COL5A1: variants seen among roughly 807,000 people sequenced by gnomAD.
COL5A1 encodes collagen alpha-1(V) chain.
COL5A1 carries 16 observed loss-of-function variants against 263.7 expected under a neutral mutation model. That is an observed-to-expected ratio of 0.06 (90% CI 0.04 to 0.09). The LOEUF (loss-of-function observed/expected upper bound fraction) is 0.09. Ranked by LOEUF, COL5A1 falls within the 10% of genes least tolerant of loss-of-function variation. COL5A1 has a pLI of 1.00. For missense variants in COL5A1, 2,036 were observed against 2,540.5 expected (o/e 0.80, Z 4.27); for synonymous variants, 1,012 against 1,004.5 (o/e 1.01, Z -0.14).
intron 63 of COL5A1, among the ~76,000 whole-genome samples, chr9:134,828,562 C>T (rs936692523): frequency 4.7e-5 from 7 of 148,902 alleles, no homozygotes; most frequent in African/African-American, 1.8e-4. Context: ...GCACCACACA[C>T]ACAATACACA....
At position 134,696,250 on chromosome 9, in the gene COL5A1, G is replaced by T. The variant is rs546711032; in HGVS notation, c.278-3659G>T. Reference sequence around the variant, plus strand: ...GTGCAGTGGTGTAATCTTGGCTCACGGCAACCTCTGCCTCCCAGGTTCAAG... The same window carrying T: ...GTGCAGTGGTGTAATCTTGGCTCACTGCAACCTCTGCCTCCCAGGTTCAAG... On this transcript the variant is annotated intron_variant, in intron 2 of 65. Coordinates refer to ENST00000371817, the MANE Select transcript of COL5A1 (RefSeq NM_000093.5). This position sits in a 1 kb window ranked among gnomAD's most constrained non-coding sequence, Gnocchi z 4.3. Among the ~76,000 whole-genome samples the T allele has an allele frequency of 1.3e-5, 2 of 151,906 alleles. No individual in the cohort carries two copies. The highest frequency in any genetic ancestry group is 2.9e-5 in the Non-Finnish European group (2 of 67,988).
At chr9:134,759,755 A>C (rs1836212855) in intron 18 of COL5A1, among the ~76,000 whole-genome samples, 2 of 85,042 alleles carry the variant, frequency 2.4e-5, no homozygotes, top group Non-Finnish European at 2.1e-5. Flanking sequence ...ACACATGCAC[A>C]CACACCCACG....
At chr9:134,749,328 T>C (rs573860656) in intron 11 of COL5A1, among the ~76,000 whole-genome samples, 1 of 152,382 alleles carries the variant, frequency 6.6e-6, no homozygotes, top group South Asian at 2.1e-4. Flanking sequence ...TCTTCATCTT[T>C]GCCTTTGCAC....
At chr9:134,763,585 G>A (rs1357796959) in intron 19 of COL5A1, 108 bp from the exon 20 acceptor site, 8 of 1,115,708 alleles carry the variant, frequency 7.2e-6, no homozygotes, top group African/African-American at 3.1e-5. Context: ...TAAACCTGGC[G>A]TATGTGAAGC....
intron 11 of COL5A1, among the ~76,000 whole-genome samples, chr9:134,749,566 T>C (rs1237130564): frequency 2.0e-5 from 3 of 152,206 alleles, no homozygotes; most frequent in African/African-American, 7.2e-5. Context: ...TGTCTGGGAG[T>C]TGGGAATCCA....
At chr9:134,824,571 C>A (rs1318081639) in intron 61 of COL5A1, 29 bp from the exon 62 acceptor site, 1 of 1,612,836 alleles carries the variant, frequency 6.2e-7, no homozygotes, top group Non-Finnish European at 8.5e-7. Flanking sequence ...TCCTCCATCA[C>A]CCACCGCTGC....
At chr9:134,668,562 G>GCATC (rs1261036676) in intron 1 of COL5A1, among the ~76,000 whole-genome samples, 1 of 142,276 alleles carries the variant, frequency 7.0e-6, no homozygotes, top group African/African-American at 2.8e-5. Context: ...ATCCATCAAT[G>GCATC]CATCCATCCA....
chr9:134,695,554 G>A (rs1303351883), intron 2 of COL5A1, among the ~76,000 whole-genome samples: 1 of 152,178 alleles, frequency 6.6e-6, no homozygotes, highest in African/African-American at 2.4e-5. Flanking sequence ...TCAGCCTGGG[G>A]GCTTTGCAGA....
intron 63 of COL5A1, among the ~76,000 whole-genome samples, chr9:134,827,683 C>G (rs1301357003): frequency 2.0e-5 from 3 of 152,204 alleles, no homozygotes; most frequent in Non-Finnish European, 2.9e-5. Context: ...CAGTGTTGAC[C>G]AGCCAGGCGT....
chr9:134,763,094 G>T (rs1836524784), intron 19 of COL5A1, among the ~76,000 whole-genome samples: 1 of 151,464 alleles, frequency 6.6e-6, no homozygotes. Context: ...GGGTCTGTGT[G>T]TCCATGTGTG....
chr9:134,719,542 C>T (rs1018970859), intron 4 of COL5A1, among the ~76,000 whole-genome samples: 4 of 152,232 alleles, frequency 2.6e-5, no homozygotes, highest in East Asian at 1.9e-4. Context: ...GGCTTCCCTG[C>T]GTCCAGTGGG....
intron 35 of COL5A1, 67 bp from the exon 36 acceptor site, chr9:134,796,781 C>G: frequency 6.9e-7 from 1 of 1,448,460 alleles, no homozygotes; most frequent in East Asian, 2.3e-5. Context: ...CCGGCACAGG[C>G]AGGTCAGCGG....
At chr9:134,811,432 C>G (rs1284033624) in intron 45 of COL5A1, 40 bp downstream of exon 45, 3 of 1,612,214 alleles carry the variant, frequency 1.9e-6, no homozygotes, top group Admixed American at 3.3e-5. Flanking sequence ...AAGCCCCACG[C>G]CCCCCCAGAG....
At position 134,750,457 on chromosome 9, in the gene COL5A1, G is replaced by A. The variant is rs1315883709; in HGVS notation, c.1495-85G>A. ...GTCCAGTGCATTTCCCGGGTGGGCC[G>A]CTTCTCCGACGCCCTCATTCTCGCT... On this transcript the variant is annotated intron_variant, in intron 11 of 65. Transcript: ENST00000371817. The A allele has an allele frequency of 1.5e-5, 19 of 1,265,134 alleles. No homozygotes were observed. In the Admixed American group the frequency reaches 1.5e-4, roughly 10 times the overall value. 78.4% of individuals were successfully genotyped at this position (1,265,134 alleles called of 1,614,324 possible).
chr9:134,740,242 C>T (rs1835253741), intron 11 of COL5A1, among the ~76,000 whole-genome samples: 1 of 151,734 alleles, frequency 6.6e-6, no homozygotes, highest in Non-Finnish European at 1.5e-5. Context: ...GCCAAAACTC[C>T]AGACAGGCAA....
intron 11 of COL5A1, among the ~76,000 whole-genome samples, chr9:134,748,110 C>A (rs546090815): frequency 2.5e-5 from 2 of 79,536 alleles, no homozygotes; most frequent in African/African-American, 9.4e-5. Flanking sequence ...TCCACACATG[C>A]ATACACAGAC....
At chr9:134,760,807 C>A (rs1375036233) in intron 18 of COL5A1, among the ~76,000 whole-genome samples, 1 of 148,640 alleles carries the variant, frequency 6.7e-6, no homozygotes, top group Non-Finnish European at 1.5e-5. Context: ...TACACCCTGA[C>A]ACACCCCCAC....
Position 134,716,116 on chromosome 9 carries a change from T to C in COL5A1, c.655-11150T>C, listed in dbSNP as rs1171862677. Among the ~76,000 whole-genome samples the C allele has an allele frequency of 1.3e-5, 2 of 152,134 alleles. No homozygotes were observed. The highest frequency in any genetic ancestry group is 2.9e-5 in the Non-Finnish European group (2 of 68,022). ...CTGTGGTTTTGGTGCTGGTGGTGGC[T>C]GTGGAGGCTGTGCTAGTGGATGCTG... On this transcript the variant is annotated intron_variant, in intron 4 of 65. Transcript: ENST00000371817. The surrounding 1 kb of genome is among the most constrained non-coding windows in gnomAD (Gnocchi z 4.5).
At position 134,737,919 on chromosome 9, in the gene COL5A1, G is replaced by A. The variant is rs554633663; in HGVS notation, c.1390-555G>A. Among the ~76,000 whole-genome samples the A allele has an allele frequency of 1.4e-3, 215 of 152,292 alleles. 2 individuals carry two copies. The highest frequency in any genetic ancestry group is 1.5e-3 in the Non-Finnish European group (100 of 68,000). On this transcript the variant is annotated intron_variant, in intron 9 of 65. Coordinates refer to ENST00000371817, the MANE Select transcript of COL5A1 (RefSeq NM_000093.5). ...TGGCAGGGTTTCCCATGGGTTCTGG[G>A]CTGCTGCGTGCATGGGAGGATGCAC...
Sources: allele counts gnomAD v4.1 joint callset (sites outside exome capture counted in the v4.1 genomes callset), GRCh38; gene constraint gnomAD v4.1.1; non-coding constraint Gnocchi (gnomAD v3.1); transcripts MANE v1.5; gene names NCBI Gene and HGNC (gene_info 2026-07-23, HGNC 2026-07-21).